NR2F1-AS1: variants seen among roughly 807,000 people sequenced by gnomAD.
NR2F1-AS1 encodes the protein NR2F1 antisense RNA 1.
chr5:93,460,045 T>G (rs1750055362), intron 4 of NR2F1-AS1, among the ~76,000 whole-genome samples: 1 of 152,150 alleles, frequency 6.6e-6, no homozygotes, highest in African/African-American at 2.4e-5. Flanking sequence ...GTGGGTCAAA[T>G]TCAGTCCATC....
chr5:93,523,104 T>C (rs978367822), intron 4 of NR2F1-AS1, among the ~76,000 whole-genome samples: 1 of 152,040 alleles, frequency 6.6e-6, no homozygotes, highest in African/African-American at 2.4e-5. Flanking sequence ...TGACTTGAAA[T>C]TGTTGCTCTG....
chr5:93,558,137 T>C (rs1488789024), intron 2 of NR2F1-AS1, among the ~76,000 whole-genome samples: 2 of 152,112 alleles, frequency 1.3e-5, no homozygotes, highest in African/African-American at 4.8e-5. Context: ...TCCATGAGTG[T>C]TGGAATCAAC....
chr5:93,582,531 T>A (rs964984443), upstream of NR2F1-AS1, among the ~76,000 whole-genome samples: 25 of 152,266 alleles, frequency 1.6e-4, no homozygotes, highest in Middle Eastern at 3.4e-3. Context: ...ATTGTGCTTA[T>A]ATGTGAGAGA....
chr5:93,445,404 G>A (rs1749676342), intron 4 of NR2F1-AS1, among the ~76,000 whole-genome samples: 1 of 152,126 alleles, frequency 6.6e-6, no homozygotes, highest in African/African-American at 2.4e-5. Context: ...TACCATCAGA[G>A]AATACTACAA....
chr5:93,417,171 T>C (rs1223887573), intron 4 of NR2F1-AS1, among the ~76,000 whole-genome samples: 2 of 152,194 alleles, frequency 1.3e-5, no homozygotes, highest in East Asian at 3.9e-4. Context: ...CCCCTGCAAT[T>C]TTATTTATAC....
At chr5:93,450,322 GTTTAT>G (rs1336588849) in intron 4 of NR2F1-AS1, among the ~76,000 whole-genome samples, 8 of 152,066 alleles carry the variant, frequency 5.3e-5, no homozygotes, top group Non-Finnish European at 8.8e-5. Flanking sequence ...CTCATAAAAA[GTTTAT>G]TTTATAAGAG....
In NR2F1-AS1 at chr5:93,523,769, G is replaced by C. The variant is rs1022345326; in HGVS notation, n.638+29992C>G. On this transcript the variant is annotated intron_variant and non_coding_transcript_variant, in intron 4 of 5. Transcript: ENST00000660523. Reference sequence around the variant, plus strand: ...AGACCTGTAGCAGAGAAGCCTGACTGTTAGAAGGAAAATTAACAAACAGAA... The same window carrying C: ...AGACCTGTAGCAGAGAAGCCTGACTCTTAGAAGGAAAATTAACAAACAGAA... 3.9e-5 allele frequency among the ~76,000 whole-genome samples: 6 copies of C among 152,294 alleles called. No individual in the cohort carries two copies. The East Asian group carries it at 1.2e-3, about 29-fold the overall frequency.
intron 4 of NR2F1-AS1, among the ~76,000 whole-genome samples, chr5:93,509,424 ATTAAT>A (rs1751250864): frequency 6.6e-6 from 1 of 152,088 alleles, no homozygotes; most frequent in African/African-American, 2.4e-5. Flanking sequence ...TTTTCTTTTA[ATTAAT>A]TTAAATAGCC....
intron 4 of NR2F1-AS1, among the ~76,000 whole-genome samples, chr5:93,481,099 C>A (rs1750590643): frequency 6.6e-6 from 1 of 151,808 alleles, no homozygotes; most frequent in Non-Finnish European, 1.5e-5. Flanking sequence ...AAAACATGAT[C>A]CAGCTAGTTG....
chr5:93,509,112 A>G (rs1389207865), intron 4 of NR2F1-AS1, among the ~76,000 whole-genome samples: 5 of 152,310 alleles, frequency 3.3e-5, no homozygotes, highest in South Asian at 4.1e-4. Flanking sequence ...AAATAAGTGA[A>G]TAAATAAAAT....
chr5:93,425,425 T>C (rs1168956687), intron 4 of NR2F1-AS1, among the ~76,000 whole-genome samples: 2 of 152,154 alleles, frequency 1.3e-5, no homozygotes, highest in Non-Finnish European at 2.9e-5. Flanking sequence ...TATCCACTGG[T>C]CAAAGCAAGT....
intron 4 of NR2F1-AS1, among the ~76,000 whole-genome samples, chr5:93,534,843 A>G (rs1204439532): frequency 1.3e-5 from 2 of 152,160 alleles, no homozygotes; most frequent in South Asian, 2.1e-4. Context: ...CACCACCTAC[A>G]TTATTAGCAA....
At chr5:93,436,568 G>A (rs891785313) in intron 4 of NR2F1-AS1, among the ~76,000 whole-genome samples, 12 of 152,114 alleles carry the variant, frequency 7.9e-5, no homozygotes, top group Non-Finnish European at 1.8e-4. Context: ...TCCAACTGCT[G>A]TATTGAGGGC....
intron 4 of NR2F1-AS1, among the ~76,000 whole-genome samples, chr5:93,483,112 G>A (rs914804463): frequency 6.6e-6 from 1 of 152,184 alleles, no homozygotes; most frequent in African/African-American, 2.4e-5. Context: ...GGGACAGACT[G>A]CCTCCTCAAG....
intron 4 of NR2F1-AS1, among the ~76,000 whole-genome samples, chr5:93,551,769 A>G (rs1015604374): frequency 2.6e-5 from 4 of 152,174 alleles, no homozygotes; most frequent in Admixed American, 6.5e-5. Context: ...TTGAAATCTA[A>G]TATTTATTTT....
At chr5:93,491,918 T>C (rs1181404644) in intron 4 of NR2F1-AS1, among the ~76,000 whole-genome samples, 3 of 152,198 alleles carry the variant, frequency 2.0e-5, no homozygotes, top group East Asian at 1.9e-4. Flanking sequence ...CAGTATATTA[T>C]AGGACCTCTT....
chr5:93,516,087 C>A lies in NR2F1-AS1; in HGVS notation n.638+37674G>T, dbSNP rs191188698. 2.7e-3 allele frequency among the ~76,000 whole-genome samples: 416 copies of A among 151,978 alleles called. 1 individual carries two copies. Among genetic ancestry groups the A allele is most frequent in the African/African-American group, 9.1e-3 (378 of 41,532 alleles). On this transcript the variant is annotated intron_variant and non_coding_transcript_variant, in intron 4 of 5. Coordinates refer to ENST00000660523, the Ensembl canonical transcript of NR2F1-AS1. Reference sequence around the variant, plus strand: ...AAAAAATGAATGAATGAAGTCTTCTCCTCAAAAGGAACTACTTCTTGTTAT... The same window carrying A: ...AAAAAATGAATGAATGAAGTCTTCTACTCAAAAGGAACTACTTCTTGTTAT...
intron 4 of NR2F1-AS1, among the ~76,000 whole-genome samples, chr5:93,495,370 G>C (rs1048918959): frequency 2.6e-4 from 39 of 152,092 alleles, no homozygotes; most frequent in African/African-American, 8.4e-4. Flanking sequence ...AAGTAGAATT[G>C]TATGTCCAAA....
chr5:93,515,433 T>C (rs1751381316), intron 4 of NR2F1-AS1, among the ~76,000 whole-genome samples: 1 of 151,964 alleles, frequency 6.6e-6, no homozygotes, highest in African/African-American at 2.4e-5. Flanking sequence ...TTACTTTTTC[T>C]ATTTCTCTCA....
Sources: gnomAD v4.1 joint callset for allele counts (sites outside exome capture counted in the v4.1 genomes callset) on GRCh38, gnomAD v4.1.1 for gene constraint, MANE v1.5 for transcripts, NCBI Gene and HGNC (gene_info 2026-07-23, HGNC 2026-07-21) for gene names.